The following TPRG1 variants were observed in gnomAD, a reference collection of about 807,000 sequenced individuals.
TPRG1 encodes the protein tumor protein p63-regulated gene 1 protein.
A neutral mutation model predicts 29.3 loss-of-function variants in TPRG1; 29 were observed. The observed-to-expected ratio is 0.99, with a 90% CI of 0.74 to 1.35. The LOEUF is 1.35. Among genes scored for constraint, TPRG1 ranks in the 40% most tolerant of loss-of-function variants. TPRG1 has a pLI of 0.00. For synonymous variants in TPRG1, 130 were observed against 116.8 expected, an observed-to-expected ratio of 1.11 and a Z score of -0.73; for missense variants, 327 against 335.0, an observed-to-expected ratio of 0.98 and a Z score of 0.19.
intron 4 of TPRG1, among the ~76,000 whole-genome samples, chr3:189,073,954 T>C (rs1012089902): frequency 5.3e-5 from 8 of 152,154 alleles, no homozygotes; most frequent in African/African-American, 1.9e-4. Context: ...CACTTTTGAA[T>C]GACAGTTTAA....
intron 4 of TPRG1, among the ~76,000 whole-genome samples, chr3:189,057,829 CACACATATGT>C (rs1715817296): frequency 8.3e-6 from 1 of 120,552 alleles, no homozygotes; most frequent in African/African-American, 4.2e-5. Context: ...TATATATATA[CACACATATGT>C]ATGTGTGTAT....
intron 1 of TPRG1, among the ~76,000 whole-genome samples, chr3:189,204,974 C>CACACACACAT (rs1734101689): frequency 6.6e-6 from 1 of 151,532 alleles, no homozygotes; most frequent in Non-Finnish European, 1.5e-5. Flanking sequence ...CACACACACA[C>CACACACACAT]ACATACACTC....
At chr3:189,312,295 G>A (rs192518904) in intron 5 of TPRG1, among the ~76,000 whole-genome samples, 15 of 150,866 alleles carry the variant, frequency 9.9e-5, no homozygotes, top group South Asian at 6.3e-4. Flanking sequence ...TCCGCCTCCC[G>A]GGTTCACATC....
At chr3:189,315,433 A>G in intron 5 of TPRG1, 1 of 442,428 alleles carries the variant, frequency 2.3e-6, no homozygotes, top group South Asian at 1.6e-5. Context: ...TCCACTTTGT[A>G]TTTGCAACTT....
intron 3 of TPRG1, among the ~76,000 whole-genome samples, chr3:189,219,248 G>A (rs561482207): frequency 6.6e-6 from 1 of 152,290 alleles, no homozygotes; most frequent in Admixed American, 6.5e-5. Context: ...ACATTATTCA[G>A]TAAAATCAGA....
chr3:189,117,443 TG>T (rs1009602348), intron 1 of TPRG1, among the ~76,000 whole-genome samples: 3 of 152,218 alleles, frequency 2.0e-5, no homozygotes, highest in Non-Finnish European at 4.4e-5. Context: ...AGATAGTCCC[TG>T]GGGAAGCTGG....
chr3:189,049,771 A>G (rs2152138792), intron 4 of TPRG1, among the ~76,000 whole-genome samples: 1 of 152,312 alleles, frequency 6.6e-6, no homozygotes, highest in African/African-American at 2.4e-5. Context: ...TCCACCAGAA[A>G]AGGTGCTGGT....
At chr3:189,312,157 CTTTCTTTCTTTCTTTCTTTCTTTCTTTT>C (rs1722708217) in intron 5 of TPRG1, among the ~76,000 whole-genome samples, 9 of 61,964 alleles carry the variant, frequency 1.5e-4, no homozygotes, top group African/African-American at 2.0e-4. Flanking sequence ...TTCTTTCTTT[CTTTCTTTCTTTCTTTCTTTCTTTCTTTT>C]TTTCTTTCTT....
chr3:189,037,020 A>G (rs1055891926), intron 4 of TPRG1, among the ~76,000 whole-genome samples: 5 of 121,948 alleles, frequency 4.1e-5, no homozygotes, highest in Non-Finnish European at 8.4e-5. Context: ...AATGATTTAT[A>G]AGTGACTTCT....
At chr3:189,301,429 G>C (rs1273864949) in intron 4 of TPRG1, among the ~76,000 whole-genome samples, 1 of 150,896 alleles carries the variant, frequency 6.6e-6, no homozygotes, top group Non-Finnish European at 1.5e-5. Flanking sequence ...TTTATAGTAT[G>C]TTTTTGAGAA....
At chr3:189,200,057 C>A (rs992378766) in intron 1 of TPRG1, among the ~76,000 whole-genome samples, 1 of 152,182 alleles carries the variant, frequency 6.6e-6, no homozygotes, top group Non-Finnish European at 1.5e-5. Context: ...AAAGAGTGAG[C>A]ACCCACATTT....
chr3:189,129,790 G>A (rs1722903353), intron 2 of TPRG1, among the ~76,000 whole-genome samples: 1 of 152,118 alleles, frequency 6.6e-6, no homozygotes, highest in African/African-American at 2.4e-5. Flanking sequence ...ATAGGATTTT[G>A]AGCTATGGTA....
intron 4 of TPRG1, among the ~76,000 whole-genome samples, chr3:189,038,524 G>A (rs539292357): frequency 6.6e-6 from 1 of 152,066 alleles, no homozygotes; most frequent in South Asian, 2.1e-4. Context: ...AAACTGGTGA[G>A]AAAATAATGG....
At chr3:189,030,998 C>T (rs1486380153) in intron 4 of TPRG1, among the ~76,000 whole-genome samples, 2 of 152,110 alleles carry the variant, frequency 1.3e-5, no homozygotes, top group Non-Finnish European at 2.9e-5. Context: ...AAGGGCCGAG[C>T]GTGGCTCACG....
intron 4 of TPRG1, among the ~76,000 whole-genome samples, chr3:189,046,479 T>C (rs1471588549): frequency 6.6e-6 from 1 of 152,134 alleles, no homozygotes; most frequent in Non-Finnish European, 1.5e-5. Flanking sequence ...TGGCTTGAGA[T>C]ATAGGGAATA....
At chr3:189,146,409 A>C (rs1461222255) in intron 3 of TPRG1, among the ~76,000 whole-genome samples, 1 of 152,234 alleles carries the variant, frequency 6.6e-6, no homozygotes, top group African/African-American at 2.4e-5. Context: ...CCATTTAAAG[A>C]GAGTAGCCAG....
At chr3:189,224,560 G>A (rs1482668231) in intron 3 of TPRG1, among the ~76,000 whole-genome samples, 1 of 152,122 alleles carries the variant, frequency 6.6e-6, no homozygotes, top group Non-Finnish European at 1.5e-5. Flanking sequence ...GACAGGCTGA[G>A]GGAATCACAA....
intron 1 of TPRG1, chr3:189,123,430 C>T (rs113665241): frequency 1.4e-4 from 21 of 152,122 alleles, no homozygotes; most frequent in African/African-American, 3.9e-4. Flanking sequence ...CAGGAAGCTC[C>T]GGCAGAATGT....
At chr3:189,130,387 A>G (rs935911449) in intron 2 of TPRG1, among the ~76,000 whole-genome samples, 1 of 152,250 alleles carries the variant, frequency 6.6e-6, no homozygotes, top group Non-Finnish European at 1.5e-5. Context: ...ATTAACTTAC[A>G]TGTAGTACCT....
Sources: gnomAD v4.1 joint callset for allele counts (sites outside exome capture counted in the v4.1 genomes callset) on GRCh38, gnomAD v4.1.1 for gene constraint, MANE v1.5 for transcripts, NCBI Gene and HGNC (gene_info 2026-07-23, HGNC 2026-07-21) for gene names.